OR3A2: variants seen among roughly 807,000 people sequenced by gnomAD.
The protein encoded by OR3A2 is olfactory receptor 3A2.
For synonymous variants in OR3A2, 126 were observed against 159.3 expected (o/e 0.79, Z 1.57); for missense variants, 318 against 392.8 (o/e 0.81, Z 1.61).
At chr17:3,278,965 A>G (rs1458673517) in intron 1 of OR3A2, 42 bp from the exon 5 acceptor site, 2 of 1,576,724 alleles carry the variant, frequency 1.3e-6, no homozygotes, top group Non-Finnish European at 1.7e-6. Flanking sequence ...CAGTTCACTC[A>G]GTTCACTTAT....
At chr17:3,367,143 C>A (rs777049156) in intron 2 of OR3A2, among the ~76,000 whole-genome samples, 1 of 152,328 alleles carries the variant, frequency 6.6e-6, no homozygotes, top group South Asian at 2.1e-4. Context: ...CAGGGCCACA[C>A]CTTCAGACTT....
chr17:3,288,246 C>CA, upstream of OR3A2, among the ~76,000 whole-genome samples: 26,359 of 72,358 alleles, frequency 0.36, 5,232 homozygotes, highest in East Asian at 0.72. Flanking sequence ...ACCAAAAGGG[C>CA]AAAAAAAAAA....
chr17:3,368,322 A>T (rs2049582391), intron 2 of OR3A2, among the ~76,000 whole-genome samples: 2 of 152,196 alleles, frequency 1.3e-5, no homozygotes, highest in Admixed American at 6.5e-5. Flanking sequence ...GCCAATGTCT[A>T]GAAGAGTTTT....
chr17:3,280,500 C>T (rs1342470571), intron 1 of OR3A2, among the ~76,000 whole-genome samples: 1 of 152,118 alleles, frequency 6.6e-6, no homozygotes, highest in Admixed American at 6.5e-5. Flanking sequence ...TCTCGATCTC[C>T]TGACCTGGTG....
At chr17:3,296,866 A>T (rs532784120) in intron 3 of OR3A2, among the ~76,000 whole-genome samples, 3 of 152,226 alleles carry the variant, frequency 2.0e-5, no homozygotes, top group African/African-American at 7.2e-5. Flanking sequence ...AATTGTGTTA[A>T]ACTTTCAAGG....
In OR3A2 at chr17:3,349,055, C is replaced by T. The variant is rs1382543509; in HGVS notation, c.-178-12929G>A. Among the ~76,000 whole-genome samples, 10 of 152,140 alleles carry T rather than the reference C, an allele frequency of 6.6e-5. 2 individuals are homozygous for T. The South Asian group carries it at 1.5e-3, about 22-fold the overall frequency. On this transcript the variant is annotated intron_variant, in intron 2 of 4. Transcript: ENST00000573491. ...AGTGCTAAACATGGAAAGGAACAAC[C>T]GGTACCAGCTGCTGCAAAATCATGC...
intron 2 of OR3A2, among the ~76,000 whole-genome samples, chr17:3,362,081 C>T (rs1283218240): frequency 6.6e-6 from 1 of 151,618 alleles, no homozygotes; most frequent in Non-Finnish European, 1.5e-5. Context: ...TAAATTATTG[C>T]CTCAATTTCA....
chr17:3,278,445 T>C (rs754988833), exon 2 of OR3A2: 7 of 1,613,970 alleles, frequency 4.3e-6, no homozygotes, highest in Middle Eastern at 3.3e-4. Context: ...GGTCAGTGCG[T>C]TGGTGAAGGC....
At chr17:3,315,739 C>A (rs8080463) in intron 3 of OR3A2, among the ~76,000 whole-genome samples, 25,425 of 134,184 alleles carry the variant, frequency 0.19, 3,228 homozygotes, top group African/African-American at 0.38. Flanking sequence ...AAAGTGCTAA[C>A]TGGTGAAAAT....
rs535768125 is a variant in OR3A2, at chr17:3,325,989, G to A, written c.-85+10044C>T. Among the ~76,000 whole-genome samples the A allele has an allele frequency of 1.2e-3, 185 of 152,104 alleles. 3 individuals carry two copies. Among genetic ancestry groups the A allele is most frequent in the African/African-American group, 4.1e-3 (169 of 41,442 alleles). Reference sequence around the variant, plus strand: ...TGGTGTGTGTTGTTTCCCCGAATGTGTCCATGTGCTCTCATAGTTCATCTC... The same window carrying A: ...TGGTGTGTGTTGTTTCCCCGAATGTATCCATGTGCTCTCATAGTTCATCTC... On this transcript the variant is annotated intron_variant, in intron 3 of 4. Coordinates refer to the OR3A2 transcript ENST00000573491.
chr17:3,378,978 G>A (rs957138002), intron 2 of OR3A2, among the ~76,000 whole-genome samples: 2 of 152,202 alleles, frequency 1.3e-5, no homozygotes, highest in Admixed American at 1.3e-4. Flanking sequence ...CAGGGAGAAA[G>A]CTGAGACTCA....
At chr17:3,325,751 C>A (rs1002783965) in intron 3 of OR3A2, among the ~76,000 whole-genome samples, 6 of 152,072 alleles carry the variant, frequency 3.9e-5, no homozygotes, top group Admixed American at 2.6e-4. Flanking sequence ...GTAAGATATA[C>A]ATGTAAAATT....
intron 2 of OR3A2, among the ~76,000 whole-genome samples, chr17:3,359,815 T>A (rs34636563): frequency 0.087 from 13,209 of 151,778 alleles, 1,166 homozygotes; most frequent in East Asian, 0.48. Context: ...TAATCCAGTC[T>A]ATCATTGTTG....
intron 2 of OR3A2, among the ~76,000 whole-genome samples, chr17:3,338,431 C>T (rs914570406): frequency 2.6e-5 from 4 of 152,092 alleles, no homozygotes; most frequent in African/African-American, 4.8e-5. Context: ...TTTAATCCAT[C>T]TTGAATTAAT....
chr17:3,307,905 C>T (rs2150629294), intron 3 of OR3A2, among the ~76,000 whole-genome samples: 1 of 152,298 alleles, frequency 6.6e-6, no homozygotes, highest in Non-Finnish European at 1.5e-5. Context: ...CCTGTCCCCA[C>T]CCAAGATGAT....
At chr17:3,313,558 C>G (rs2049060128) in intron 3 of OR3A2, among the ~76,000 whole-genome samples, 1 of 152,244 alleles carries the variant, frequency 6.6e-6, no homozygotes, top group African/African-American at 2.4e-5. Flanking sequence ...CTGATCAAAT[C>G]TAGACCTTTC....
intron 2 of OR3A2, among the ~76,000 whole-genome samples, chr17:3,369,805 C>CTTTTTTT (rs35233474): frequency 2.8e-4 from 38 of 134,672 alleles, no homozygotes; most frequent in African/African-American, 9.9e-4. Context: ...TAGATTGGTA[C>CTTTTTTT]TTTTTTTTTT....
chr17:3,276,710 C>T (rs1022879946), downstream of OR3A2, among the ~76,000 whole-genome samples: 3 of 151,972 alleles, frequency 2.0e-5, no homozygotes, highest in African/African-American at 7.3e-5. Context: ...ATTCTAAGGA[C>T]CTGATTGTAA....
intron 2 of OR3A2, among the ~76,000 whole-genome samples, chr17:3,339,675 C>T (rs906509753): frequency 2.0e-5 from 3 of 152,050 alleles, no homozygotes; most frequent in African/African-American, 7.3e-5. Flanking sequence ...ATTCAGTTTG[C>T]CAGTATTTTA....
Sources: gnomAD v4.1 joint callset for allele counts (sites outside exome capture counted in the v4.1 genomes callset) on GRCh38, gnomAD v4.1.1 for gene constraint, MANE v1.5 for transcripts, NCBI Gene and HGNC (gene_info 2026-07-23, HGNC 2026-07-21) for gene names.